The following PEPD variants were observed in gnomAD, a reference collection of about 807,000 sequenced individuals.
PEPD encodes the protein peptidase D.
Under a neutral mutation model 60.7 loss-of-function variants are expected in PEPD, and 53 were observed. That is an observed-to-expected ratio of 0.87 (90% CI 0.70 to 1.10). The LOEUF (loss-of-function observed/expected upper bound fraction) is 1.10. PEPD is among the 50% of genes least tolerant of loss of function. PEPD has a pLI of 0.00. For synonymous variants in PEPD, 267 were observed against 284.1 expected, an observed-to-expected ratio of 0.94 and a Z score of 0.60; for missense variants, 711 against 711.9, an observed-to-expected ratio of 1.00 and a Z score of 0.01.
At chr19:33,434,007 A>G (rs1731532602) in intron 9 of PEPD, among the ~76,000 whole-genome samples, 1 of 151,876 alleles carries the variant, frequency 6.6e-6, no homozygotes, top group Non-Finnish European at 1.5e-5. Context: ...ACCCCAGGAC[A>G]TTTCTTGTCT....
intron 7 of PEPD, among the ~76,000 whole-genome samples, chr19:33,469,137 C>G (rs1193978405): frequency 6.6e-6 from 1 of 152,162 alleles, no homozygotes; most frequent in East Asian, 1.9e-4. Context: ...CGCCCTCCAA[C>G]CCCTTACTTT....
At chr19:33,415,145 C>T (rs959647108) in intron 9 of PEPD, among the ~76,000 whole-genome samples, 22 of 152,302 alleles carry the variant, frequency 1.4e-4, no homozygotes, top group East Asian at 9.7e-4. Flanking sequence ...GCCTGACCCA[C>T]GCCGTGGAAC....
intron 9 of PEPD, among the ~76,000 whole-genome samples, chr19:33,424,893 CTTATTTA>C (rs1969107321): frequency 6.6e-6 from 1 of 152,040 alleles, no homozygotes; most frequent in African/African-American, 2.4e-5. Flanking sequence ...TCTCATAAGA[CTTATTTA>C]CTACCATGAG....
intron 11 of PEPD, among the ~76,000 whole-genome samples, chr19:33,410,732 C>G (rs977013669): frequency 3.3e-5 from 5 of 152,304 alleles, no homozygotes; most frequent in Admixed American, 2.0e-4. Context: ...GAAGAAAGGG[C>G]ACCAAAGAAC....
rs769843610 is a variant in PEPD, at chr19:33,478,118, T to C, written c.504-28A>G. On this transcript the variant is annotated intron_variant, in intron 6 of 14. Transcript: ENST00000244137. ...GTAGGGCGAAAAGAAATCAAGCCCA[T>C]TAATCCAACGGTCTGTCATGTCCCA... 5.8e-6 allele frequency: 9 copies of C among 1,545,172 alleles called. No homozygotes were observed. In the East Asian group the frequency reaches 2.0e-4, roughly 35 times the overall value.
At position 33,463,037 on chromosome 19, in the gene PEPD, A is replaced by G. The variant is rs1969957815; in HGVS notation, c.629T>C (p.Met210Thr). ...TTTCATTCCCACTTTTACAGCCTTC[A>G]TTACCTGGAGGACGGATATTAAGCA... ...KISSEAHREV[M>T]KAVKVGMKEY... is the part of the protein sequence containing the mutation. The change falls in exon 9 of 15, where the codon ATG becomes ACG. Residue 210 changes from methionine to threonine, a missense_variant. Transcript: ENST00000244137. The G allele has an allele frequency of 1.3e-6, 2 of 1,585,484 alleles. No individual in the cohort carries two copies. Among genetic ancestry groups the G allele is most frequent in the South Asian group, 1.1e-5 (1 of 90,476 alleles).
intron 6 of PEPD, among the ~76,000 whole-genome samples, chr19:33,483,602 G>T (rs546197900): frequency 1.3e-5 from 2 of 152,312 alleles, no homozygotes; most frequent in African/African-American, 4.8e-5. Flanking sequence ...TTGAGCCCAG[G>T]AGTTCAAGAC....
At chr19:33,400,213 C>T (rs1471561270) in intron 12 of PEPD, among the ~76,000 whole-genome samples, 1 of 152,182 alleles carries the variant, frequency 6.6e-6, no homozygotes, top group Non-Finnish European at 1.5e-5. Context: ...TGGACTATGA[C>T]CTGGGCATGG....
chr19:33,485,412 CA>C (rs1970378286), intron 6 of PEPD, among the ~76,000 whole-genome samples: 1 of 149,212 alleles, frequency 6.7e-6, no homozygotes, highest in Admixed American at 6.8e-5. Flanking sequence ...AGAATCATTG[CA>C]ATCTGGGAGG....
Position 33,515,020 on chromosome 19 carries a change from G to A in PEPD, c.18-2244C>T, listed in dbSNP as rs1432807241. Reference sequence around the variant, plus strand: ...GCACACAGCACCTTCCAACCTAAACGCAGCGGGTGCTGCCTGGTGCTTCCT... The same window carrying A: ...GCACACAGCACCTTCCAACCTAAACACAGCGGGTGCTGCCTGGTGCTTCCT... On this transcript the variant is annotated intron_variant, in intron 1 of 14. Coordinates refer to ENST00000244137, the MANE Select transcript of PEPD (RefSeq NM_000285.4). Among the ~76,000 whole-genome samples the A allele has an allele frequency of 2.6e-5, 4 of 152,264 alleles. No individual in the cohort carries two copies. The East Asian group carries it at 7.8e-4, about 30-fold the overall frequency.
chr19:33,412,469 T>G (rs1968799617), intron 10 of PEPD, among the ~76,000 whole-genome samples: 1 of 152,152 alleles, frequency 6.6e-6, no homozygotes, highest in Non-Finnish European at 1.5e-5. Context: ...GCCCCGGCTG[T>G]CCTGGAGCTG....
intron 9 of PEPD, among the ~76,000 whole-genome samples, chr19:33,435,560 C>T (rs560205871): frequency 2.6e-5 from 4 of 152,344 alleles, no homozygotes; most frequent in South Asian, 2.1e-4. Context: ...CCCCCTCGTT[C>T]GGTCCCAGCA....
chr19:33,439,439 T>A (rs1969443144), intron 9 of PEPD, among the ~76,000 whole-genome samples: 1 of 152,090 alleles, frequency 6.6e-6, no homozygotes, highest in Non-Finnish European at 1.5e-5. Context: ...GAGTAAAGAC[T>A]CCTCCCCTTT....
intron 11 of PEPD, among the ~76,000 whole-genome samples, chr19:33,407,260 T>C (rs781331239): frequency 1.3e-5 from 2 of 152,242 alleles, no homozygotes; most frequent in Non-Finnish European, 1.5e-5. Flanking sequence ...CTCCAGGACC[T>C]GGGGCGGCCT....
At chr19:33,507,408 C>A (rs368794716) in intron 3 of PEPD, among the ~76,000 whole-genome samples, 2 of 152,338 alleles carry the variant, frequency 1.3e-5, no homozygotes, top group East Asian at 1.9e-4. Context: ...AGAGCTACCA[C>A]CCTCCCCATC....
At chr19:33,436,617 T>G (rs948421036) in intron 9 of PEPD, among the ~76,000 whole-genome samples, 1 of 152,232 alleles carries the variant, frequency 6.6e-6, no homozygotes. Flanking sequence ...AAATTCCACC[T>G]TTATGGGAAA....
chr19:33,424,158 T>TC (rs1332751330), intron 9 of PEPD, among the ~76,000 whole-genome samples: 1 of 152,036 alleles, frequency 6.6e-6, no homozygotes, highest in Non-Finnish European at 1.5e-5. Flanking sequence ...GTCCACCCCC[T>TC]CCCCAAGCAG....
chr19:33,462,391 C>T (rs1468794041), intron 9 of PEPD, among the ~76,000 whole-genome samples: 1 of 152,196 alleles, frequency 6.6e-6, no homozygotes, highest in African/African-American at 2.4e-5. Context: ...GCCACTGAGG[C>T]AGTTTGGGTC....
intron 1 of PEPD, among the ~76,000 whole-genome samples, chr19:33,517,230 C>T (rs1446047647): frequency 6.6e-6 from 1 of 151,978 alleles, no homozygotes; most frequent in Non-Finnish European, 1.5e-5. Flanking sequence ...TTGGGTTTTA[C>T]TTTTGTAATA....
Sources: allele counts gnomAD v4.1 joint callset (sites outside exome capture counted in the v4.1 genomes callset), GRCh38; gene constraint gnomAD v4.1.1; transcripts MANE v1.5; gene names NCBI Gene and HGNC (gene_info 2026-07-23, HGNC 2026-07-21).